Variants in EYS observed in about 807,000 individuals in gnomAD.
EYS encodes EGF-like photoreceptor maintenance factor, also known as protein eyes shut homolog.
A neutral mutation model predicts 282.1 loss-of-function variants in EYS; 250 were observed. The observed-to-expected ratio is 0.89, with a 90% confidence interval of 0.80 to 0.98. The LOEUF is 0.98. Ranked by LOEUF, EYS falls within the 50% of genes least tolerant of loss-of-function variation. EYS has a pLI of 0.00. For missense variants in EYS, 4,016 were observed against 3,709.0 expected (o/e 1.08, Z -2.15); for synonymous variants, 1,355 against 1,282.9 (o/e 1.06, Z -1.20).
chr6:65,396,151 GTTTA>G (rs1361600310), intron 7 of EYS, among the ~76,000 whole-genome samples: 4 of 152,182 alleles, frequency 2.6e-5, no homozygotes, highest in African/African-American at 7.2e-5. Context: ...TATCTGCAAA[GTTTA>G]TTTATTTGCA....
At chr6:64,428,778 C>G (rs966641075) in intron 28 of EYS, among the ~76,000 whole-genome samples, 5 of 152,076 alleles carry the variant, frequency 3.3e-5, no homozygotes, top group African/African-American at 1.2e-4. Context: ...TTAAAAAGTG[C>G]TTTCAAAATA....
At chr6:65,426,331 G>A (rs1467138638) in intron 5 of EYS, among the ~76,000 whole-genome samples, 1 of 151,842 alleles carries the variant, frequency 6.6e-6, no homozygotes, top group Non-Finnish European at 1.5e-5. Flanking sequence ...GAAACAAATT[G>A]CTCTCCACCT....
chr6:64,534,108 G>A (rs566898763), intron 26 of EYS, among the ~76,000 whole-genome samples: 10 of 151,630 alleles, frequency 6.6e-5, no homozygotes, highest in Non-Finnish European at 1.0e-4. Context: ...ATATAAAATT[G>A]TCAAAAATCA....
Position 63,739,579 on chromosome 6 carries a change from T to C in EYS, c.8072-12899A>G, listed in dbSNP as rs778293535. Among the ~76,000 whole-genome samples the C allele has an allele frequency of 1.1e-4, 17 of 152,156 alleles. 1 individual carries two copies. Among genetic ancestry groups the C allele is most frequent in the Admixed American group, 1.0e-3 (16 of 15,274 alleles). On this transcript the variant is annotated intron_variant, in intron 41 of 42. Coordinates refer to ENST00000503581, the MANE Select transcript of EYS (RefSeq NM_001142800.2). The stretch of plus-strand genomic sequence containing the variant: ...TATTCCCAAAAGTTGAGGAAGTGAG[T>C]ACCTCCATTTAGAAAGGGGTGGGGT...
At chr6:64,394,211 G>A (rs1315006636) in intron 28 of EYS, among the ~76,000 whole-genome samples, 1 of 152,132 alleles carries the variant, frequency 6.6e-6, no homozygotes, top group African/African-American at 2.4e-5. Flanking sequence ...ACTGCCCAAG[G>A]TAATTTACAG....
chr6:65,057,839 C>A, intron 12 of EYS, 112 bp from the exon 13 acceptor site: 2 of 698,564 alleles, frequency 2.9e-6, no homozygotes, highest in Non-Finnish European at 5.0e-6. Context: ...CATCTGAAAC[C>A]AAATTTATTA....
intron 31 of EYS, among the ~76,000 whole-genome samples, chr6:64,213,752 T>A (rs1765852286): frequency 6.6e-6 from 1 of 152,158 alleles, no homozygotes; most frequent in Non-Finnish European, 1.5e-5. Context: ...TCAAATGATC[T>A]AAATGTAAAT....
chr6:65,685,608 T>C (rs1438418511), intron 1 of EYS, among the ~76,000 whole-genome samples: 1 of 152,062 alleles, frequency 6.6e-6, no homozygotes, highest in Non-Finnish European at 1.5e-5. Context: ...CTGTTCAATA[T>C]ACCAGCTGCA....
In EYS at chr6:63,887,673, A is replaced by T. The variant is rs916905620; in HGVS notation, c.7056-23315T>A. 2.0e-5 allele frequency among the ~76,000 whole-genome samples: 3 copies of T among 152,182 alleles called. No individual in the cohort carries two copies. The South Asian group carries it at 6.2e-4, about 31-fold the overall frequency. On this transcript the variant is annotated intron_variant, in intron 35 of 42. Transcript: ENST00000503581. The stretch of plus-strand genomic sequence containing the variant: ...GTCTTTGCAACCTGCAGACTGGGAG[A>T]TTCCCTCGGGTGCCCACGTCACCAG...
At chr6:65,321,481 T>C (rs1769474882) in intron 11 of EYS, among the ~76,000 whole-genome samples, 2 of 152,088 alleles carry the variant, frequency 1.3e-5, no homozygotes, top group African/African-American at 4.8e-5. Context: ...GGAGTGTCAC[T>C]GATGGGAACA....
At chr6:64,793,872 C>G (rs1664461054) in intron 22 of EYS, among the ~76,000 whole-genome samples, 1 of 152,030 alleles carries the variant, frequency 6.6e-6, no homozygotes, top group African/African-American at 2.4e-5. Context: ...TTTAAGCATA[C>G]AGCCCAGCAT....
At chr6:64,966,335 G>T (rs1007208638) in intron 14 of EYS, among the ~76,000 whole-genome samples, 17 of 152,038 alleles carry the variant, frequency 1.1e-4, no homozygotes, top group East Asian at 7.7e-4. Flanking sequence ...GTGTTGGGGG[G>T]GGTATTGTTT....
intron 2 of EYS, among the ~76,000 whole-genome samples, chr6:65,625,666 C>T (rs185614644): frequency 2.6e-5 from 4 of 152,114 alleles, no homozygotes; most frequent in Non-Finnish European, 5.9e-5. Context: ...TGAAATTTAA[C>T]GAGTTTGAGT....
At chr6:65,065,882 G>T (rs1192338973) in intron 12 of EYS, among the ~76,000 whole-genome samples, 1 of 152,052 alleles carries the variant, frequency 6.6e-6, no homozygotes, top group East Asian at 1.9e-4. Context: ...GTTTTCCTAT[G>T]GTCCTTGCTA....
intron 26 of EYS, among the ~76,000 whole-genome samples, chr6:64,534,138 T>C (rs989103551): frequency 2.6e-5 from 4 of 151,534 alleles, no homozygotes; most frequent in Admixed American, 1.3e-4. Flanking sequence ...AACCCTTAGA[T>C]CTCTACATTT....
chr6:64,781,250 T>C (rs148312804), intron 22 of EYS, among the ~76,000 whole-genome samples: 123 of 151,990 alleles, frequency 8.1e-4, no homozygotes, highest in Non-Finnish European at 1.0e-3. Flanking sequence ...GTGTCTTTCA[T>C]ACTGATAAGC....
At chr6:63,757,133 G>C (rs1393797349) in intron 41 of EYS, among the ~76,000 whole-genome samples, 1 of 152,106 alleles carries the variant, frequency 6.6e-6, no homozygotes, top group Non-Finnish European at 1.5e-5. Flanking sequence ...CCTGTAAACA[G>C]ATGTGCAAGT....
At chr6:64,020,482 G>A (rs1258640547) in intron 33 of EYS, among the ~76,000 whole-genome samples, 1 of 152,168 alleles carries the variant, frequency 6.6e-6, no homozygotes, top group Non-Finnish European at 1.5e-5. Context: ...CTTCTGTAAA[G>A]TATAAGGTAG....
intron 26 of EYS, among the ~76,000 whole-genome samples, chr6:64,472,694 G>C (rs1377849886): frequency 6.6e-6 from 1 of 152,064 alleles, no homozygotes; most frequent in African/African-American, 2.4e-5. Context: ...ATCAAAGATA[G>C]AGAGAAAGTA....
Sources: allele counts gnomAD v4.1 joint callset (sites outside exome capture counted in the v4.1 genomes callset), GRCh38; gene constraint gnomAD v4.1.1; transcripts MANE v1.5; gene names NCBI Gene and HGNC (gene_info 2026-07-23, HGNC 2026-07-21).